The following SLC30A6 variants were observed in gnomAD, a reference collection of about 807,000 sequenced individuals.
SLC30A6 encodes the protein solute carrier family 30 member 6, also known as zinc transporter 6.
SLC30A6 carries 55 observed loss-of-function variants against 63.0 expected under a neutral mutation model. The observed-to-expected ratio is 0.87, with a 90% confidence interval of 0.70 to 1.09. The LOEUF (loss-of-function observed/expected upper bound fraction) is 1.09, where lower values mean the gene tolerates loss of function less well. Among genes scored for constraint, SLC30A6 ranks in the 50% least tolerant of loss-of-function variants. The probability of loss-of-function intolerance (pLI) is 0.00; values close to 1 mark genes in which losing one functional copy is unlikely to be tolerated. For missense variants in SLC30A6, 587 were observed against 549.2 expected (o/e 1.07, Z -0.69); for synonymous variants, 224 against 186.1 (o/e 1.20, Z -1.66).
chr2:32,175,982 A>G (rs1422944071), intron 4 of SLC30A6, among the ~76,000 whole-genome samples: 2 of 152,134 alleles, frequency 1.3e-5, no homozygotes, highest in Non-Finnish European at 2.9e-5. Flanking sequence ...AAAAAACAAA[A>G]TATTTATAAA....
intron 12 of SLC30A6, 81 bp downstream of exon 12, chr2:32,207,014 C>A: frequency 8.8e-7 from 1 of 1,141,990 alleles, no homozygotes; most frequent in Non-Finnish European, 1.3e-6. Context: ...CTTTATTCAA[C>A]TCTACCTAGA....
intron 9 of SLC30A6, 23 bp downstream of exon 9, chr2:32,197,415 G>A: frequency 6.2e-7 from 1 of 1,601,788 alleles, no homozygotes; most frequent in East Asian, 2.2e-5. Context: ...GGAGTTTCAT[G>A]ATATGCATAA....
chr2:32,203,064 A>G (rs980161370), intron 10 of SLC30A6: 8 of 1,293,048 alleles, frequency 6.2e-6, no homozygotes, highest in East Asian at 4.6e-5. Flanking sequence ...ACATGGGGAC[A>G]TTGCACAGTC....
At chr2:32,173,666 G>A (rs1279952311) in intron 2 of SLC30A6, among the ~76,000 whole-genome samples, 1 of 152,036 alleles carries the variant, frequency 6.6e-6, no homozygotes, top group Non-Finnish European at 1.5e-5. Flanking sequence ...ACCTGGACAA[G>A]ATTACTAACT....
chr2:32,166,033 G>T, intron 1 of SLC30A6, 130 bp downstream of exon 1: 2 of 1,343,328 alleles, frequency 1.5e-6, no homozygotes, highest in Non-Finnish European at 2.1e-6. Flanking sequence ...GGGCCCCTTG[G>T]CAGGAGCGGC....
chr2:32,200,265 T>A (rs1684171517), intron 10 of SLC30A6, among the ~76,000 whole-genome samples: 1 of 152,172 alleles, frequency 6.6e-6, no homozygotes, highest in Admixed American at 6.5e-5. Flanking sequence ...CATTGCTAGT[T>A]ACCTTTTATT....
intron 6 of SLC30A6, among the ~76,000 whole-genome samples, 180 bp downstream of exon 6, chr2:32,192,596 C>T (rs576264010): frequency 5.3e-5 from 8 of 151,904 alleles, no homozygotes; most frequent in African/African-American, 1.9e-4. Context: ...TTTTTACTTC[C>T]TTCCTTAATG....
intron 13 of SLC30A6, among the ~76,000 whole-genome samples, chr2:32,215,396 T>C (rs1018552331): frequency 6.6e-6 from 1 of 151,736 alleles, no homozygotes. Flanking sequence ...GGTTTTGCCA[T>C]GTTGTCCAGT....
chr2:32,191,398 T>C lies in SLC30A6; in HGVS notation c.285-938T>C, dbSNP rs186762507. On this transcript the variant is annotated intron_variant, in intron 5 of 13. Transcript: ENST00000282587. ...TTACAAATAACAATGTGATGTACAGTCTTAATTTTTTTGTCTTTTCTGTGC... is the reference window on the plus strand; with the variant it reads ...TTACAAATAACAATGTGATGTACAGCCTTAATTTTTTTGTCTTTTCTGTGC... Among the ~76,000 whole-genome samples the C allele has an allele frequency of 3.4e-4, 52 of 152,220 alleles. 1 individual carries two copies. The highest frequency in any genetic ancestry group is 2.2e-4 in the Non-Finnish European group (15 of 68,000).
At chr2:32,203,257 G>T in intron 10 of SLC30A6, 1 of 968,288 alleles carries the variant, frequency 1.0e-6, no homozygotes. Flanking sequence ...GACAGACAGG[G>T]ATTTGTATAT....
intron 2 of SLC30A6, among the ~76,000 whole-genome samples, chr2:32,173,270 A>G (rs1339089596): frequency 6.6e-6 from 1 of 152,170 alleles, no homozygotes; most frequent in Non-Finnish European, 1.5e-5. Flanking sequence ...ACTAATTCAC[A>G]TAAACAGCTT....
At chr2:32,203,274 A>G (rs1489994476) in intron 10 of SLC30A6, 19 of 959,416 alleles carry the variant, frequency 2.0e-5, no homozygotes, top group Non-Finnish European at 2.9e-5. Context: ...ATATGTTTTT[A>G]TCAACCAAGA....
intron 13 of SLC30A6, among the ~76,000 whole-genome samples, chr2:32,212,457 A>G (rs1558424754): frequency 6.6e-6 from 1 of 151,960 alleles, no homozygotes; most frequent in Non-Finnish European, 1.5e-5. Flanking sequence ...GTTTTCCTGA[A>G]CATTAAAATT....
At chr2:32,201,968 C>A in intron 10 of SLC30A6, 1 of 1,398,442 alleles carries the variant, frequency 7.2e-7, no homozygotes, top group Non-Finnish European at 9.9e-7. Flanking sequence ...GATGAATTCT[C>A]TAAATCTCAT....
intron 11 of SLC30A6, among the ~76,000 whole-genome samples, chr2:32,205,352 C>T (rs1468346503): frequency 6.6e-6 from 1 of 152,038 alleles, no homozygotes; most frequent in Non-Finnish European, 1.5e-5. Flanking sequence ...ACCCGGGAGG[C>T]GGAGGTTGCA....
intron 1 of SLC30A6, among the ~76,000 whole-genome samples, chr2:32,168,857 G>T (rs543724349): frequency 6.6e-6 from 1 of 152,276 alleles, no homozygotes; most frequent in East Asian, 1.9e-4. Flanking sequence ...TGTAAAATTT[G>T]TAGTTTATTC....
At chr2:32,201,879 G>A in intron 10 of SLC30A6, 2 of 1,449,936 alleles carry the variant, frequency 1.4e-6, no homozygotes, top group East Asian at 2.3e-5. Context: ...CAGATTACCT[G>A]GATGCTCCCA....
chr2:32,193,331 T>G (rs912137444), intron 7 of SLC30A6, among the ~76,000 whole-genome samples: 2 of 152,008 alleles, frequency 1.3e-5, no homozygotes, highest in Non-Finnish European at 2.9e-5. Flanking sequence ...TCCCAGCACT[T>G]TGGGAGGCTA....
rs796204633 is a variant in SLC30A6 at position 32,203,337 on chromosome 2, G to T, written c.666-1253G>T. 9 of 913,690 alleles carry T rather than the reference G, an allele frequency of 9.9e-6. No individual in the cohort carries two copies. In the Admixed American group the frequency reaches 1.5e-4, roughly 15 times the overall value. The allele number at this position is 913,690 out of a possible 1,614,324, so 56.6% of individuals were successfully genotyped here. A position where few individuals can be genotyped will look rare whatever the true frequency, so the allele number is the denominator to read the frequency against. On this transcript the variant is annotated intron_variant, in intron 10 of 13. Transcript: ENST00000282587. ...CAAAAAGTAGGAATTACTTTTAAAT[G>T]TGTAGGTATTCCTTCTACAATGGAT...
Sources: allele counts gnomAD v4.1 joint callset (sites outside exome capture counted in the v4.1 genomes callset), GRCh38; gene constraint gnomAD v4.1.1; transcripts MANE v1.5; gene names NCBI Gene and HGNC (gene_info 2026-07-23, HGNC 2026-07-21).